The following DYRK1A variants were observed in gnomAD, a reference collection of about 807,000 sequenced individuals.
The protein encoded by DYRK1A is dual specificity tyrosine phosphorylation regulated kinase 1A, also known as dual specificity tyrosine-phosphorylation-regulated kinase 1A.
Under a neutral mutation model 79.7 loss-of-function variants are expected in DYRK1A, and 9 were observed. That is an observed-to-expected ratio of 0.11 (90% confidence interval 0.07 to 0.20). DYRK1A has a LOEUF of 0.20. Among genes scored for constraint, DYRK1A ranks in the 10% least tolerant of loss-of-function variants. The pLI is 1.00. For missense variants in DYRK1A, 622 were observed against 956.0 expected (o/e 0.65, Z 4.61); for synonymous variants, 349 against 329.7 (o/e 1.06, Z -0.63).
rs1249275173 is a variant in DYRK1A at position 37,509,045 on chromosome 21, T to G, written c.1644+2822T>G. Among the ~76,000 whole-genome samples, 3 of 152,236 alleles carry G rather than the reference T, an allele frequency of 2.0e-5. No homozygotes were observed. The East Asian group carries it at 5.8e-4, about 29-fold the overall frequency. On this transcript the variant is annotated intron_variant, in intron 11 of 11. Coordinates refer to ENST00000647188, the MANE Select transcript of DYRK1A (RefSeq NM_001347721.2). ...TTTGCTTCAAATCCTTTTTTGTTAC[T>G]TAATTTTTGAGTGGTTGATATAGTC... is the stretch of plus-strand genomic sequence containing the variant.
chr21:37,396,819 C>A (rs2049966822), intron 1 of DYRK1A, among the ~76,000 whole-genome samples: 2 of 152,106 alleles, frequency 1.3e-5, no homozygotes, highest in African/African-American at 4.8e-5. Context: ...TTCCATTTAT[C>A]ATGTAGAGAG....
chr21:37,413,286 A>T (rs1024569131), intron 1 of DYRK1A, among the ~76,000 whole-genome samples: 6 of 152,154 alleles, frequency 3.9e-5, no homozygotes, highest in African/African-American at 1.4e-4. Flanking sequence ...AGATGCAAGG[A>T]TTATTTAAAG....
intron 4 of DYRK1A, among the ~76,000 whole-genome samples, chr21:37,479,413 G>GCTTT (rs1452537333): frequency 6.6e-6 from 1 of 151,066 alleles, no homozygotes; most frequent in African/African-American, 2.5e-5. Context: ...GTTAACAGTA[G>GCTTT]CTTTCTTGGA....
rs1297803457 is a variant in DYRK1A, at chr21:37,480,713, G to T, written c.376G>T (p.Val126Phe). The change falls in exon 5 of 12, where the codon GTT (valine) becomes TTT (phenylalanine). Residue 126 changes from valine (V) to phenylalanine (F), a missense_variant. Around this residue, in one of 5 missense-constraint regions of DYRK1A, gnomAD observed 138 missense variants for 346.4 expected, o/e 0.40. Coordinates refer to ENST00000647188, the MANE Select transcript of DYRK1A (RefSeq NM_001347721.2). ...TTCTAGTCATAAGAAGGAACGGAAG[G>T]TTTACAATGATGGTTATGATGATGA... The part of the protein sequence containing the change: ...DDSSHKKERK[V>F]YNDGYDDDNY... The T allele has an allele frequency of 6.2e-7, 1 of 1,613,112 alleles. No individual in the cohort carries two copies. The highest frequency in any genetic ancestry group is 1.3e-5 in the African/African-American group (1 of 74,884).
chr21:37,398,646 A>G (rs892719647), intron 1 of DYRK1A, among the ~76,000 whole-genome samples: 2 of 152,248 alleles, frequency 1.3e-5, no homozygotes, highest in African/African-American at 4.8e-5. Context: ...TCCTATGTGG[A>G]AGACTCTGCT....
At chr21:37,399,663 G>C (rs2050019319) in intron 1 of DYRK1A, among the ~76,000 whole-genome samples, 1 of 152,136 alleles carries the variant, frequency 6.6e-6, no homozygotes, top group Non-Finnish European at 1.5e-5. Flanking sequence ...CTCAGTGTTG[G>C]GTTTCACTGA....
intron 1 of DYRK1A, among the ~76,000 whole-genome samples, chr21:37,392,623 C>A (rs376035616): frequency 6.6e-6 from 1 of 152,214 alleles, no homozygotes; most frequent in South Asian, 2.1e-4. Context: ...CTTCCTTTAA[C>A]CTCTTTTACA....
In DYRK1A at chr21:37,485,610, G is replaced by T. The variant is rs566017874; in HGVS notation, c.490-857G>T. ...AATGTGCTAGAAAATGTATCTAAAA[G>T]AATTACTTATTCAGACAATGTATAA... On this transcript the variant is annotated intron_variant, in intron 5 of 11. Transcript: ENST00000647188. Among the ~76,000 whole-genome samples, 160 of 152,240 alleles carry T rather than the reference G, an allele frequency of 1.1e-3. 5 individuals are homozygous for T. The South Asian group carries it at 0.033, about 32-fold the overall frequency.
chr21:37,464,847 T>G (rs2051971345), intron 2 of DYRK1A, among the ~76,000 whole-genome samples: 1 of 152,160 alleles, frequency 6.6e-6, no homozygotes, highest in East Asian at 1.9e-4. Context: ...GCATTAAAAT[T>G]TTAGGAAGAT....
rs146959336 is a variant in DYRK1A at position 37,431,382 on chromosome 21, T to C, written c.10+10998T>C. ...AGCTGGGTGGCCTTCCTGGCCTTTG[T>C]AAACATTTCCTGCAATGCCTAGCTT... On this transcript the variant is annotated intron_variant, in intron 2 of 11. Transcript: ENST00000647188. Among the ~76,000 whole-genome samples, 430 of 152,346 alleles carry C rather than the reference T, an allele frequency of 2.8e-3. 2 individuals carry two copies. The highest frequency in any genetic ancestry group is 6.8e-3 in the Middle Eastern group (2 of 294).
chr21:37,455,658 A>G (rs1211104059), intron 2 of DYRK1A, among the ~76,000 whole-genome samples: 1 of 151,972 alleles, frequency 6.6e-6, no homozygotes, highest in Non-Finnish European at 1.5e-5. Context: ...TCCCTCCTTA[A>G]GGGCTCTCAC....
In DYRK1A at chr21:37,517,127, C is replaced by T. The variant is rs1336268335; in HGVS notation, c.*4596C>T. 1.3e-5 allele frequency: 2 copies of T among 152,188 alleles called. No homozygotes were observed. Among genetic ancestry groups the T allele is most frequent in the Non-Finnish European group, 2.9e-5 (2 of 68,046 alleles). 9.4% of individuals were successfully genotyped at this position (152,188 alleles called of 1,614,324 possible). On this transcript the variant is annotated 3_prime_UTR_variant, in exon 12 of 12. Transcript: ENST00000647188. Reference sequence around the variant, plus strand: ...TAAACCGGCTTCCCTTCGCTTTTACCAGGTAGCCTGGTTCAGTCCCAGCTG... The same window carrying T: ...TAAACCGGCTTCCCTTCGCTTTTACTAGGTAGCCTGGTTCAGTCCCAGCTG...
chr21:37,507,522 C>T (rs1032553376), intron 11 of DYRK1A, among the ~76,000 whole-genome samples: 7 of 152,140 alleles, frequency 4.6e-5, no homozygotes, highest in Non-Finnish European at 1.0e-4. Flanking sequence ...CCGGTGTCAG[C>T]GGTGACCTTT....
Position 37,512,263 on chromosome 21 carries a change from A to G in DYRK1A, c.1997A>G (p.Gln666Arg), listed in dbSNP as rs1308036522. ...ACATCTTCCTCCTCTACTGGTAACC[A>G]AGGCAATCAGGCCTACCAGAATCGC... is the stretch of plus-strand genomic sequence containing the variant. ...SSTSSSSTGN[Q>R]GNQAYQNRPV... The change falls in exon 12 of 12, where the codon CAA (glutamine) becomes CGA (arginine). Residue 666 changes from glutamine (Q) to arginine (R), a missense_variant. Coordinates refer to ENST00000647188, the MANE Select transcript of DYRK1A (RefSeq NM_001347721.2). 9 of 1,614,102 alleles carry G rather than the reference A, an allele frequency of 5.6e-6. No homozygotes were observed. The highest frequency in any genetic ancestry group is 4.0e-5 in the African/African-American group (3 of 74,932).
Position 37,506,148 on chromosome 21 carries a change from G to A in DYRK1A, c.1569G>A (p.Thr523=), listed in dbSNP as rs1306398835. ...GTGGGAGAGCCCGGTCGGATCCGAC[G>A]CACCAGCATCGGCACAGTGGTGGGC... ...SNSGRARSDP[T]HQHRHSGGHF... The change falls in exon 11 of 12, where the codon ACG becomes ACA. Residue 523 remains threonine, a synonymous_variant. Transcript: ENST00000647188. 4 of 1,614,006 alleles carry A rather than the reference G, an allele frequency of 2.5e-6. No homozygotes were observed. Among genetic ancestry groups the A allele is most frequent in the Non-Finnish European group, 3.4e-6 (4 of 1,179,904 alleles).
intron 2 of DYRK1A, among the ~76,000 whole-genome samples, chr21:37,463,658 A>G (rs2051927721): frequency 6.6e-6 from 1 of 152,230 alleles, no homozygotes; most frequent in Non-Finnish European, 1.5e-5. Context: ...GCCATGTGCC[A>G]GGCACTGTTC....
chr21:37,514,079 G>A lies in DYRK1A; in HGVS notation c.*1548G>A, dbSNP rs1555997033. 2.0e-5 allele frequency: 3 copies of A among 152,630 alleles called. No individual in the cohort carries two copies. Among genetic ancestry groups the A allele is most frequent in the Non-Finnish European group, 4.4e-5 (3 of 68,042 alleles). The allele number at this position is 152,630 out of a possible 1,614,324, so 9.5% of individuals were successfully genotyped here. A position where few individuals can be genotyped will look rare whatever the true frequency, so the allele number is the denominator to read the frequency against. ...TCTAAGTGTGTTCAGGCTTCTGAAG[G>A]TAAAGGGACACTGGATCCAGAAGCT... On this transcript the variant is annotated 3_prime_UTR_variant, in exon 12 of 12. Transcript: ENST00000647188.
intron 1 of DYRK1A, among the ~76,000 whole-genome samples, chr21:37,370,347 G>T (rs1048753412): frequency 6.6e-6 from 1 of 150,884 alleles, no homozygotes; most frequent in African/African-American, 2.4e-5. Context: ...GTGTTTTCGT[G>T]TGTCTGTTTA....
chr21:37,417,088 G>A (rs1486045264), intron 1 of DYRK1A, among the ~76,000 whole-genome samples: 2 of 152,034 alleles, frequency 1.3e-5, no homozygotes, highest in East Asian at 3.9e-4. Context: ...TATTGCACCT[G>A]CCATTTAGTT....
Sources: gnomAD v4.1 joint callset for allele counts (sites outside exome capture counted in the v4.1 genomes callset) on GRCh38, gnomAD v4.1.1 for gene constraint, gnomAD v4.1.1 regional missense constraint, MANE v1.5 for transcripts, NCBI Gene and HGNC (gene_info 2026-07-23, HGNC 2026-07-21) for gene names.